The following AFF3 variants were observed in gnomAD, a reference collection of about 807,000 sequenced individuals.
AFF3 encodes the protein ALF transcription elongation factor 3, also known as AF4/FMR2 family member 3.
A neutral mutation model predicts 129.7 loss-of-function variants in AFF3; 32 were observed. That is an observed-to-expected ratio of 0.25 (90% CI 0.19 to 0.33). AFF3 has a LOEUF of 0.33. Ranked by LOEUF, AFF3 falls within the 10% of genes least tolerant of loss-of-function variation. The probability of loss-of-function intolerance (pLI) is 1.00; values close to 1 mark genes in which losing one functional copy is unlikely to be tolerated. For synonymous variants in AFF3, 644 were observed against 635.4 expected (o/e 1.01, Z -0.20); for missense variants, 1,373 against 1,592.0 (o/e 0.86, Z 2.34).
chr2:99,662,330 T>C (rs1225514343), intron 12 of AFF3, among the ~76,000 whole-genome samples: 2 of 152,152 alleles, frequency 1.3e-5, no homozygotes, highest in Admixed American at 6.5e-5. Context: ...TCCATATTAA[T>C]AGAAACCAAT....
At chr2:99,721,153 C>T (rs1678852835) in intron 11 of AFF3, among the ~76,000 whole-genome samples, 1 of 152,116 alleles carries the variant, frequency 6.6e-6, no homozygotes, top group African/African-American at 2.4e-5. Context: ...GTAGTGTAGG[C>T]CTACTGGAAA....
intron 13 of AFF3, among the ~76,000 whole-genome samples, chr2:99,642,807 T>G (rs2177542): frequency 6.6e-6 from 1 of 152,120 alleles, no homozygotes; most frequent in East Asian, 1.9e-4. Context: ...CTGGGTGAGT[T>G]GCATCACCTG....
intron 7 of AFF3, among the ~76,000 whole-genome samples, chr2:99,858,093 C>G (rs562707250): frequency 1.8e-3 from 280 of 152,278 alleles, no homozygotes; most frequent in African/African-American, 6.3e-3. Context: ...CCAGCCTGAA[C>G]TCCCACCATC....
At chr2:100,107,944 T>G (rs531187149) in intron 2 of AFF3, among the ~76,000 whole-genome samples, 2 of 151,252 alleles carry the variant, frequency 1.3e-5, no homozygotes, top group Admixed American at 6.6e-5. Flanking sequence ...TGGGATTTTT[T>G]TTCTCTCTTT....
chr2:99,833,958 T>C (rs1420949077), intron 8 of AFF3, among the ~76,000 whole-genome samples: 1 of 152,204 alleles, frequency 6.6e-6, no homozygotes, highest in Non-Finnish European at 1.5e-5. Context: ...AATAATTATA[T>C]GTTAGAACAC....
At chr2:99,702,716 A>G (rs913192020) in intron 11 of AFF3, among the ~76,000 whole-genome samples, 16 of 152,208 alleles carry the variant, frequency 1.1e-4, no homozygotes, top group African/African-American at 3.1e-4. Flanking sequence ...ATTCACTTCA[A>G]TGAAATGTCT....
chr2:99,591,115 T>C (rs1225838695), intron 15 of AFF3, among the ~76,000 whole-genome samples: 2 of 152,188 alleles, frequency 1.3e-5, no homozygotes, highest in Admixed American at 6.5e-5. Flanking sequence ...AATTCTACTT[T>C]ATAGGGATAA....
chr2:99,886,704 A>T (rs1693140679), intron 7 of AFF3, among the ~76,000 whole-genome samples: 1 of 152,226 alleles, frequency 6.6e-6, no homozygotes, highest in Non-Finnish European at 1.5e-5. Context: ...ACTGAAAAAA[A>T]TTAGTGATGG....
chr2:99,611,901 T>TAAAA (rs1558645044), intron 13 of AFF3, among the ~76,000 whole-genome samples: 4 of 120,016 alleles, frequency 3.3e-5, no homozygotes, highest in Admixed American at 8.4e-5. Flanking sequence ...AAAAAAAAAT[T>TAAAA]TATTCTTGCT....
At chr2:99,583,040 G>C (rs1345732335) in intron 16 of AFF3, 41 bp from the exon 17 acceptor site, 1 of 1,584,858 alleles carries the variant, frequency 6.3e-7, no homozygotes, top group Non-Finnish European at 8.7e-7. Flanking sequence ...TACAGAGTCA[G>C]CACAGGGAAA....
At position 99,903,609 on chromosome 2, in the gene AFF3, T is replaced by C. The variant is rs535093998; in HGVS notation, c.874-66085A>G. On this transcript the variant is annotated intron_variant, in intron 7 of 24. Coordinates refer to ENST00000672756, the MANE Select transcript of AFF3 (RefSeq NM_001386135.1). ...ATAGATAACATCATCAAGTTTAAGA[T>C]AAATAAAATCAGATATGAATTTAAT... Among the ~76,000 whole-genome samples, 3 of 152,284 alleles carry C rather than the reference T, an allele frequency of 2.0e-5. No individual in the cohort carries two copies. In the South Asian group the frequency reaches 6.2e-4, roughly 32 times the overall value.
At chr2:99,727,185 T>G in intron 10 of AFF3, 57 bp from the exon 11 acceptor site, 7 of 1,458,468 alleles carry the variant, frequency 4.8e-6, no homozygotes, top group Non-Finnish European at 6.6e-6. Flanking sequence ...CTTTAAGATT[T>G]AAGAGAGATT....
chr2:100,076,046 C>CA (rs1688565810), intron 4 of AFF3, among the ~76,000 whole-genome samples: 1 of 152,038 alleles, frequency 6.6e-6, no homozygotes, highest in Admixed American at 6.6e-5. Context: ...AATTAGAATA[C>CA]AAAAATGGGC....
intron 7 of AFF3, among the ~76,000 whole-genome samples, chr2:99,851,849 G>A (rs893255371): frequency 6.6e-6 from 1 of 152,126 alleles, no homozygotes; most frequent in African/African-American, 2.4e-5. Context: ...TAGAGCCAAT[G>A]GTCCTTTTCT....
chr2:99,727,210 G>A, intron 10 of AFF3, 82 bp from the exon 11 acceptor site: 1 of 1,315,572 alleles, frequency 7.6e-7, no homozygotes, highest in Admixed American at 2.2e-5. Context: ...ATATTTCCAT[G>A]CTCCTATTAA....
At chr2:99,574,811 T>C (rs7607126) in intron 18 of AFF3, among the ~76,000 whole-genome samples, 33,137 of 152,110 alleles carry the variant, frequency 0.22, 4,029 homozygotes, top group East Asian at 0.36. Flanking sequence ...CACTCCAGTG[T>C]TAATTATCTA....
rs766204908 is a variant in AFF3 at position 99,550,168 on chromosome 2, A to C, written c.*1306T>G. 5 of 229,560 alleles carry C rather than the reference A, an allele frequency of 2.2e-5. No homozygotes were observed. Among genetic ancestry groups the C allele is most frequent in the Non-Finnish European group, 4.3e-5 (5 of 115,816 alleles). The allele number at this position is 229,560 out of a possible 1,614,324, so 14.2% of individuals were successfully genotyped here. A position where few individuals can be genotyped will look rare whatever the true frequency, so the allele number is the denominator to read the frequency against. ...AAAAACTGTAAACAAGATGTCAAAG[A>C]AACTAAAATGTAAACTTAATTAAAA... is the stretch of plus-strand genomic sequence containing the variant. On this transcript the variant is annotated 3_prime_UTR_variant, in exon 25 of 25. Coordinates refer to ENST00000672756, the MANE Select transcript of AFF3 (RefSeq NM_001386135.1).
chr2:99,683,638 G>T (rs1449177343), intron 11 of AFF3, among the ~76,000 whole-genome samples: 3 of 151,864 alleles, frequency 2.0e-5, no homozygotes, highest in African/African-American at 7.3e-5. Flanking sequence ...GAGAGGTTTT[G>T]TTATGTTGCC....
At chr2:99,895,106 A>G (rs1174940074) in intron 7 of AFF3, among the ~76,000 whole-genome samples, 1 of 152,228 alleles carries the variant, frequency 6.6e-6, no homozygotes, top group African/African-American at 2.4e-5. Flanking sequence ...CTTCTTCTGT[A>G]TAAGAAAGCA....
Sources: allele counts gnomAD v4.1 joint callset (sites outside exome capture counted in the v4.1 genomes callset), GRCh38; gene constraint gnomAD v4.1.1; transcripts MANE v1.5; gene names NCBI Gene and HGNC (gene_info 2026-07-23, HGNC 2026-07-21).